The following CORIN variants were observed in gnomAD, a reference collection of about 807,000 sequenced individuals.
CORIN encodes the protein atrial natriuretic peptide-converting enzyme.
Under a neutral mutation model 125.3 loss-of-function variants are expected in CORIN, and 117 were observed. That is an observed-to-expected ratio of 0.93 (90% CI 0.80 to 1.09). CORIN has a LOEUF of 1.09. CORIN is among the 50% of genes least tolerant of loss of function. CORIN has a pLI of 0.00. For synonymous variants in CORIN, 450 were observed against 466.4 expected (o/e 0.96, Z 0.45); for missense variants, 1,253 against 1,306.7 (o/e 0.96, Z 0.63).
At chr4:47,770,815 T>C (rs568047912) in intron 3 of CORIN, among the ~76,000 whole-genome samples, 3 of 152,106 alleles carry the variant, frequency 2.0e-5, no homozygotes, top group Non-Finnish European at 4.4e-5. Flanking sequence ...ATATGTGGAA[T>C]CTTAAAAAGT....
chr4:47,655,399 C>G (rs1445667259), intron 12 of CORIN, among the ~76,000 whole-genome samples: 1 of 152,108 alleles, frequency 6.6e-6, no homozygotes, highest in East Asian at 1.9e-4. Context: ...AGCCCTGGCT[C>G]TTGGATGACA....
chr4:47,808,708 T>C (rs569577472), intron 1 of CORIN, among the ~76,000 whole-genome samples: 147 of 152,302 alleles, frequency 9.7e-4, no homozygotes, highest in Non-Finnish European at 1.6e-3. Flanking sequence ...AAGAAGACAA[T>C]TGATCTTCAA....
intron 3 of CORIN, among the ~76,000 whole-genome samples, chr4:47,764,927 G>A (rs1729641873): frequency 6.6e-6 from 1 of 152,002 alleles, no homozygotes; most frequent in African/African-American, 2.4e-5. Context: ...GCCCATATTT[G>A]AAGCAATTAG....
At chr4:47,723,864 T>C (rs957647090) in intron 5 of CORIN, among the ~76,000 whole-genome samples, 1 of 151,432 alleles carries the variant, frequency 6.6e-6, no homozygotes, top group Non-Finnish European at 1.5e-5. Flanking sequence ...GGCATGGTGG[T>C]GGGCGCCTGT....
intron 16 of CORIN, among the ~76,000 whole-genome samples, chr4:47,641,556 T>C (rs1723229672): frequency 6.6e-6 from 1 of 152,210 alleles, no homozygotes; most frequent in Non-Finnish European, 1.5e-5. Flanking sequence ...AAAATGTGTG[T>C]TGCTTAAGAA....
Position 47,837,903 on chromosome 4 carries a change from G to C in CORIN, c.47C>G (p.Ala16Gly). The change falls in exon 1 of 22, where the codon GCC becomes GGC. Residue 16 changes from alanine to glycine, a missense_variant. Ala to Gly is a moderately conservative substitution (Grantham distance 60). Coordinates refer to ENST00000273857, the MANE Select transcript of CORIN (RefSeq NM_006587.4). ...CGATCTTACCGGCTTTGGGGACCCG[G>C]CTCTGCGGCAGCGCTCTTCCGGAGC... is the stretch of plus-strand genomic sequence containing the variant. ...ALAPEERCRRAGSPKPVLRAD... is the reference protein window; with the variant it reads ...ALAPEERCRRGGSPKPVLRAD... 1 of 1,613,720 alleles carries C rather than the reference G, an allele frequency of 6.2e-7. No homozygotes were observed. The highest frequency in any genetic ancestry group is 8.5e-7 in the Non-Finnish European group (1 of 1,179,950).
chr4:47,654,528 G>A (rs927465002), intron 12 of CORIN, among the ~76,000 whole-genome samples: 8 of 152,236 alleles, frequency 5.3e-5, no homozygotes, highest in African/African-American at 1.4e-4. Flanking sequence ...AGTGATTGTG[G>A]GACTTTGCAT....
intron 3 of CORIN, among the ~76,000 whole-genome samples, chr4:47,771,038 C>A (rs561874553): frequency 1.3e-5 from 2 of 152,172 alleles, no homozygotes; most frequent in African/African-American, 4.8e-5. Flanking sequence ...AGTATACTCA[C>A]CCCCCAAAAT....
intron 6 of CORIN, among the ~76,000 whole-genome samples, chr4:47,686,643 T>TTTTAGACAAAAAAACA (rs1725529321): frequency 6.6e-6 from 1 of 152,154 alleles, no homozygotes; most frequent in African/African-American, 2.4e-5. Flanking sequence ...CTTTTTGATG[T>TTTTAGACAAAAAAACA]TTTTTTGTCT....
intron 13 of CORIN, among the ~76,000 whole-genome samples, chr4:47,647,909 T>C (rs1346766827): frequency 6.6e-6 from 1 of 152,170 alleles, no homozygotes; most frequent in Non-Finnish European, 1.5e-5. Flanking sequence ...TAAATACAAA[T>C]AATAATGCCT....
intron 19 of CORIN, among the ~76,000 whole-genome samples, chr4:47,620,538 G>A (rs1198524133): frequency 6.6e-6 from 1 of 152,182 alleles, no homozygotes; most frequent in African/African-American, 2.4e-5. Flanking sequence ...GTTTATGATT[G>A]TGGGAGAATA....
intron 4 of CORIN, among the ~76,000 whole-genome samples, chr4:47,747,392 C>A (rs1408796037): frequency 6.6e-6 from 1 of 152,030 alleles, no homozygotes; most frequent in African/African-American, 2.4e-5. Flanking sequence ...AAAAAACATT[C>A]AACATTTTTT....
In CORIN at chr4:47,752,873, A is replaced by G. The variant is rs577742877; in HGVS notation, c.618-8290T>C. On this transcript the variant is annotated intron_variant, in intron 4 of 21. Transcript: ENST00000273857. ...GAGAGATTAACAGATCACAAAAGAA[A>G]TGTGCAATTGTTGAATTATTTTGCA... Among the ~76,000 whole-genome samples the G allele has an allele frequency of 1.2e-4, 19 of 152,354 alleles. 1 individual carries two copies. The highest frequency in any genetic ancestry group is 3.4e-4 in the African/African-American group (14 of 41,590).
At chr4:47,676,357 C>G (rs1402230683) in intron 9 of CORIN, among the ~76,000 whole-genome samples, 1 of 152,198 alleles carries the variant, frequency 6.6e-6, no homozygotes, top group Non-Finnish European at 1.5e-5. Context: ...ATTGCTTTTT[C>G]AAGCCCCGTT....
At chr4:47,808,641 T>C (rs1221072897) in intron 1 of CORIN, among the ~76,000 whole-genome samples, 1 of 152,232 alleles carries the variant, frequency 6.6e-6, no homozygotes, top group Non-Finnish European at 1.5e-5. Flanking sequence ...CCATTGTACC[T>C]GGATTAAGCT....
chr4:47,600,111 T>C, intron 21 of CORIN, 103 bp downstream of exon 21: 2 of 1,067,030 alleles, frequency 1.9e-6, no homozygotes, highest in Non-Finnish European at 2.6e-6. Flanking sequence ...ACAAATGATT[T>C]TCAAAAAATG....
At chr4:47,636,437 A>G (rs75956296) in intron 16 of CORIN, among the ~76,000 whole-genome samples, 3,281 of 152,270 alleles carry the variant, frequency 0.022, 46 homozygotes, top group Non-Finnish European at 0.033. Context: ...TTGATACTGA[A>G]CATGCAAGTA....
chr4:47,738,017 G>A (rs556975212), intron 5 of CORIN, among the ~76,000 whole-genome samples: 14 of 151,828 alleles, frequency 9.2e-5, no homozygotes, highest in Admixed American at 1.3e-4. Context: ...ATTAATAATC[G>A]ATTAACACTG....
chr4:47,734,423 C>G (rs1343806371), intron 5 of CORIN, among the ~76,000 whole-genome samples: 2 of 152,178 alleles, frequency 1.3e-5, no homozygotes, highest in Admixed American at 6.5e-5. Flanking sequence ...CTTCTTCCGT[C>G]CCCTTTGCTA....
Sources: allele counts gnomAD v4.1 joint callset (sites outside exome capture counted in the v4.1 genomes callset), GRCh38; gene constraint gnomAD v4.1.1; transcripts MANE v1.5; gene names NCBI Gene and HGNC (gene_info 2026-07-23, HGNC 2026-07-21).